SLC9A2: variants seen among roughly 807,000 people sequenced by gnomAD.
The protein encoded by SLC9A2 is solute carrier family 9 member A2.
A neutral mutation model predicts 71.7 loss-of-function variants in SLC9A2; 42 were observed. The ratio of observed to expected loss-of-function variants is 0.59; its 90% CI spans 0.46 to 0.76. The LOEUF is 0.76. Ranked by LOEUF, SLC9A2 falls within the 30% of genes least tolerant of loss-of-function variation. The pLI is 0.00. For missense variants in SLC9A2, 829 were observed against 1,017.4 expected (o/e 0.81, Z 2.52); for synonymous variants, 396 against 392.5 (o/e 1.01, Z -0.10).
intron 2 of SLC9A2, among the ~76,000 whole-genome samples, chr2:102,662,717 AAC>A (rs1456797249): frequency 2.0e-5 from 3 of 152,264 alleles, no homozygotes; most frequent in Middle Eastern, 6.8e-3. Context: ...TGTTTTATGG[AAC>A]AGTGATGAAA....
At chr2:102,696,222 C>CT (rs372723041) in intron 7 of SLC9A2, among the ~76,000 whole-genome samples, 1 of 151,816 alleles carries the variant, frequency 6.6e-6, no homozygotes, top group Non-Finnish European at 1.5e-5. Flanking sequence ...AATCAAGGCC[C>CT]TTTTTTTTCA....
At chr2:102,683,572 C>A (rs1169530303) in intron 4 of SLC9A2, 94 bp downstream of exon 4, 1 of 911,794 alleles carries the variant, frequency 1.1e-6, no homozygotes, top group Non-Finnish European at 1.7e-6. Flanking sequence ...GTTGTGGATT[C>A]TTTTATGTCT....
Position 102,665,081 on chromosome 2 carries a change from G to GTT in SLC9A2, c.754-9_754-8dup, listed in dbSNP as rs35151143. 3.9e-3 allele frequency: 5,199 copies of GTT among 1,330,986 alleles called. No homozygotes were observed. Among genetic ancestry groups the GTT allele is most frequent in the African/African-American group, 7.8e-3 (520 of 66,708 alleles). 82.4% of individuals were successfully genotyped at this position (1,330,986 alleles called of 1,614,324 possible). A position where few individuals can be genotyped will look rare whatever the true frequency, so the allele number is the denominator to read the frequency against. Reference sequence around the variant, plus strand: ...AAATGGGAAAGGGTCTTGACAAGGTGTTTTTTTTTTTCCTGCAGGTCCTGT... The same window carrying GTT: ...AAATGGGAAAGGGTCTTGACAAGGTGTTTTTTTTTTTTTCCTGCAGGTCCTGT... On this transcript the variant is annotated intron_variant, in intron 2 of 11. Coordinates refer to ENST00000233969, the MANE Select transcript of SLC9A2 (RefSeq NM_003048.6).
At chr2:102,679,407 A>C (rs1452572026) in intron 3 of SLC9A2, among the ~76,000 whole-genome samples, 2 of 149,452 alleles carry the variant, frequency 1.3e-5, no homozygotes, top group African/African-American at 2.5e-5. Context: ...TTTGAGATGG[A>C]GTCTTGCTCG....
chr2:102,653,097 A>G (rs746998967), intron 1 of SLC9A2, among the ~76,000 whole-genome samples: 2 of 152,356 alleles, frequency 1.3e-5, no homozygotes, highest in African/African-American at 2.4e-5. Context: ...AAAATCTTTT[A>G]TGCCATCAGA....
intron 1 of SLC9A2, among the ~76,000 whole-genome samples, chr2:102,638,552 G>T (rs1006064467): frequency 6.6e-6 from 1 of 152,224 alleles, no homozygotes; most frequent in African/African-American, 2.4e-5. Flanking sequence ...TTCATCGTCT[G>T]TGAAAGGTAA....
At chr2:102,708,055 T>A in intron 11 of SLC9A2, 64 bp from the exon 12 acceptor site, 1 of 1,543,872 alleles carries the variant, frequency 6.5e-7, no homozygotes, top group South Asian at 1.2e-5. Flanking sequence ...ACTAAGGTAC[T>A]GAAGTTACTT....
In SLC9A2 at chr2:102,703,189, C is replaced by T. The variant is rs149895763; in HGVS notation, c.1845+687C>T. On this transcript the variant is annotated intron_variant, in intron 9 of 11. Transcript: ENST00000233969. ...CCATAAGGTGTCCCCATTTCATCCACGTGACTCTTACCTGACCCTTTTTCC... is the reference window on the plus strand; with the variant it reads ...CCATAAGGTGTCCCCATTTCATCCATGTGACTCTTACCTGACCCTTTTTCC... 6.4e-4 allele frequency among the ~76,000 whole-genome samples: 98 copies of T among 152,306 alleles called. No homozygotes were observed. In the East Asian group the frequency reaches 0.018, roughly 27 times the overall value.
At chr2:102,681,006 C>G (rs1413616555) in intron 3 of SLC9A2, among the ~76,000 whole-genome samples, 1 of 152,094 alleles carries the variant, frequency 6.6e-6, no homozygotes, top group Non-Finnish European at 1.5e-5. Flanking sequence ...TGATGTTAGC[C>G]CACTAATGTG....
At chr2:102,676,977 T>C (rs1426012680) in intron 3 of SLC9A2, among the ~76,000 whole-genome samples, 3 of 152,224 alleles carry the variant, frequency 2.0e-5, no homozygotes, top group Non-Finnish European at 2.9e-5. Context: ...CAAAAGAATT[T>C]TGCTTAATTG....
At chr2:102,693,825 A>G (rs1046204904) in intron 5 of SLC9A2, among the ~76,000 whole-genome samples, 9 of 152,350 alleles carry the variant, frequency 5.9e-5, no homozygotes, top group African/African-American at 2.2e-4. Flanking sequence ...TGGGTTCCAA[A>G]TGCCCAAGAC....
rs532002803 is a variant in SLC9A2, at chr2:102,697,595, C to G, written c.1586+2482C>G. ...ATTTCAAAGTTTCAGCACCACATCC[C>G]CCCGCACCTACTTCCCTGCTCTACC... On this transcript the variant is annotated intron_variant, in intron 7 of 11. Transcript: ENST00000233969. 9.0e-4 allele frequency: 133 copies of G among 147,634 alleles called. 1 individual carries two copies. Among genetic ancestry groups the G allele is most frequent in the African/African-American group, 3.0e-3 (123 of 40,446 alleles). 9.1% of individuals were successfully genotyped at this position (147,634 alleles called of 1,614,324 possible). A position where few individuals can be genotyped will look rare whatever the true frequency, so the allele number is the denominator to read the frequency against.
intron 3 of SLC9A2, among the ~76,000 whole-genome samples, chr2:102,680,059 A>G (rs1337612627): frequency 6.6e-6 from 1 of 152,204 alleles, no homozygotes; most frequent in Admixed American, 6.5e-5. Context: ...AGTGCTTTAT[A>G]ATAAAACCCT....
intron 1 of SLC9A2, among the ~76,000 whole-genome samples, chr2:102,649,346 T>A (rs1367677822): frequency 6.6e-6 from 1 of 152,176 alleles, no homozygotes; most frequent in African/African-American, 2.4e-5. Context: ...AAGGCTTAAG[T>A]GTAAAACCTA....
intron 11 of SLC9A2, among the ~76,000 whole-genome samples, chr2:102,706,856 G>C (rs1050233743): frequency 3.3e-5 from 5 of 152,156 alleles, no homozygotes; most frequent in Admixed American, 6.5e-5. Context: ...ATAAAGCTTT[G>C]TTATAATGTC....
intron 1 of SLC9A2, among the ~76,000 whole-genome samples, chr2:102,657,098 G>T (rs371846881): frequency 1.3e-5 from 2 of 151,828 alleles, no homozygotes; most frequent in Non-Finnish European, 2.9e-5. Flanking sequence ...CCAGCTATTC[G>T]GGAGGCTGAG....
At chr2:102,670,023 T>C (rs1677215210) in intron 3 of SLC9A2, among the ~76,000 whole-genome samples, 1 of 97,174 alleles carries the variant, frequency 1.0e-5, no homozygotes, top group African/African-American at 4.8e-5. Flanking sequence ...TTTTTTTATT[T>C]TTTTATTTTT....
intron 3 of SLC9A2, among the ~76,000 whole-genome samples, chr2:102,670,156 G>A (rs1319475396): frequency 2.7e-5 from 4 of 149,252 alleles, no homozygotes; most frequent in African/African-American, 7.4e-5. Context: ...TTAGCCTCCC[G>A]AGTAGCTGGG....
rs1274670378 is a variant in SLC9A2, at chr2:102,665,210, T to C, written c.864T>C (p.Ile288=). The change falls in exon 3 of 12, where the codon ATT becomes ATC. Residue 288 remains isoleucine, a synonymous_variant. Coordinates refer to ENST00000233969, the MANE Select transcript of SLC9A2 (RefSeq NM_003048.6). ...FFVVGIGGVL[I]GIFLGFIAAF... ...TTGTGGGAATCGGTGGGGTGCTGAT[T>C]GGCATCTTCTTGGGCTTTATAGCGG... is the stretch of plus-strand genomic sequence containing the variant. 1.2e-6 allele frequency: 2 copies of C among 1,614,092 alleles called. No individual in the cohort carries two copies. The highest frequency in any genetic ancestry group is 1.1e-5 in the South Asian group (1 of 91,078).
Sources: allele counts gnomAD v4.1 joint callset (sites outside exome capture counted in the v4.1 genomes callset), GRCh38; gene constraint gnomAD v4.1.1; transcripts MANE v1.5; gene names NCBI Gene and HGNC (gene_info 2026-07-23, HGNC 2026-07-21).